The following SV2B variants were observed in gnomAD, a reference collection of about 807,000 sequenced individuals.
SV2B encodes the protein synaptic vesicle glycoprotein 2B, also known as solute carrier family 22 member B2.
A neutral mutation model predicts 73.9 loss-of-function variants in SV2B; 41 were observed. The observed-to-expected ratio is 0.56, with a 90% CI of 0.43 to 0.72. The LOEUF (loss-of-function observed/expected upper bound fraction) is 0.72, where lower values mean the gene tolerates loss of function less well. SV2B is among the 30% of genes least tolerant of loss of function. SV2B has a pLI of 0.00. For synonymous variants in SV2B, 314 were observed against 314.2 expected (o/e 1.00, Z 0.01); for missense variants, 764 against 857.8 (o/e 0.89, Z 1.37).
chr15:91,116,602 T>C (rs2042185419), intron 1 of SV2B, among the ~76,000 whole-genome samples: 1 of 152,320 alleles, frequency 6.6e-6, no homozygotes, highest in East Asian at 1.9e-4. Context: ...TCATGCATTC[T>C]GGAAGGGAAG....
chr15:91,277,826 TG>T (rs1164573445), intron 9 of SV2B, among the ~76,000 whole-genome samples: 2 of 152,254 alleles, frequency 1.3e-5, no homozygotes, highest in Non-Finnish European at 2.9e-5. Context: ...GCTAATTTAA[TG>T]TTTATATCCT....
intron 2 of SV2B, among the ~76,000 whole-genome samples, chr15:91,244,990 G>A (rs996487374): frequency 5.9e-5 from 9 of 152,206 alleles, no homozygotes; most frequent in African/African-American, 7.2e-5. Flanking sequence ...GCAAGAAAAA[G>A]GTTAGAAGTG....
chr15:91,172,931 T>C lies in SV2B; in HGVS notation c.-391-52942T>C, dbSNP rs969325578. On this transcript the variant is annotated intron_variant, in intron 1 of 12. Coordinates refer to ENST00000394232, the MANE Select transcript of SV2B (RefSeq NM_001323032.3). ...AGTAAGAGCCTGGCTTTCAGGGGCA[T>C]TTTTTTTTTCTGGTGGAAAAGTCCA... is the stretch of plus-strand genomic sequence containing the variant. Among the ~76,000 whole-genome samples the C allele has an allele frequency of 3.6e-5, 5 of 137,954 alleles. No homozygotes were observed. In the East Asian group the frequency reaches 9.8e-4, roughly 27 times the overall value. 90.5% of individuals were successfully genotyped at this position (137,954 alleles called of 152,430 possible).
intron 1 of SV2B, among the ~76,000 whole-genome samples, chr15:91,111,516 C>CG (rs1458791585): frequency 1.3e-5 from 2 of 151,988 alleles, no homozygotes; most frequent in East Asian, 3.9e-4. Flanking sequence ...GGAAAGAAGA[C>CG]GGGGGGCCAG....
intron 1 of SV2B, among the ~76,000 whole-genome samples, chr15:91,210,551 C>T (rs1175651636): frequency 1.3e-5 from 2 of 152,144 alleles, no homozygotes; most frequent in African/African-American, 4.8e-5. Context: ...AGACTTGCAT[C>T]TGGGGTGTGT....
intron 1 of SV2B, among the ~76,000 whole-genome samples, chr15:91,158,842 C>G (rs569250377): frequency 6.6e-6 from 1 of 151,104 alleles, no homozygotes; most frequent in African/African-American, 2.4e-5. Context: ...CACAATGTTA[C>G]CCCCAATCTC....
intron 1 of SV2B, among the ~76,000 whole-genome samples, chr15:91,159,898 AAAG>A (rs1836772341): frequency 6.6e-6 from 1 of 152,198 alleles, no homozygotes; most frequent in Non-Finnish European, 1.5e-5. Flanking sequence ...TGTCTGGAAA[AAAG>A]ATGAATACAC....
At chr15:91,101,360 C>A (rs11854586) in intron 1 of SV2B, among the ~76,000 whole-genome samples, 20,087 of 151,986 alleles carry the variant, frequency 0.13, 1,899 homozygotes, top group African/African-American at 0.26. Context: ...GTGACTTGTT[C>A]TGCTTGTTCC....
chr15:91,206,450 G>A (rs889810857), intron 1 of SV2B, among the ~76,000 whole-genome samples: 62 of 152,162 alleles, frequency 4.1e-4, no homozygotes, highest in African/African-American at 1.5e-3. Context: ...ATCCACATGG[G>A]GCTGCTCTTC....
intron 2 of SV2B, among the ~76,000 whole-genome samples, chr15:91,247,230 C>T (rs748829460): frequency 6.6e-6 from 1 of 152,180 alleles, no homozygotes; most frequent in Non-Finnish European, 1.5e-5. Context: ...CCAGCAGGTC[C>T]TCGGCCAGCA....
At chr15:91,199,709 G>C (rs900173385) in intron 1 of SV2B, among the ~76,000 whole-genome samples, 8 of 152,316 alleles carry the variant, frequency 5.3e-5, no homozygotes, top group Non-Finnish European at 8.8e-5. Flanking sequence ...GCCCAGGTGG[G>C]GTGGGGAAGC....
chr15:91,149,955 G>A (rs1394960202), intron 1 of SV2B, among the ~76,000 whole-genome samples: 6 of 152,218 alleles, frequency 3.9e-5, no homozygotes, highest in Admixed American at 2.0e-4. Flanking sequence ...AGTATGTAGC[G>A]CTGACCCTCT....
At position 91,115,358 on chromosome 15, in the gene SV2B, C is replaced by G. The variant is rs1291119193; in HGVS notation, c.-392+14995C>G. 6.6e-6 allele frequency among the ~76,000 whole-genome samples: 1 copy of G among 151,974 alleles called. No homozygotes were observed. Among genetic ancestry groups the G allele is most frequent in the Admixed American group, 6.6e-5 (1 of 15,258 alleles). ...GAGTGTTGACGACTTTGAAAGTGGG[C>G]TATTTCTCCATCTCCCCTTCCTTTT... is the stretch of plus-strand genomic sequence containing the variant. On this transcript the variant is annotated intron_variant, in intron 1 of 12. Transcript: ENST00000394232. The surrounding 1 kb of genome is among the most constrained non-coding windows in gnomAD (Gnocchi z 4.3).
At position 91,141,805 on chromosome 15, in the gene SV2B, C is replaced by T. The variant is rs1459341325; in HGVS notation, c.-392+41442C>T. The stretch of plus-strand genomic sequence containing the variant: ...CATCTTTTTCTGCTAATGGATATTA[C>T]AGAAAGTTACATTCAGAGAGTTAGA... On this transcript the variant is annotated intron_variant, in intron 1 of 12. Transcript: ENST00000394232. This position sits in a 1 kb window ranked among gnomAD's most constrained non-coding sequence, Gnocchi z 4.6. Among the ~76,000 whole-genome samples, 1 of 150,708 alleles carries T rather than the reference C, an allele frequency of 6.6e-6. No individual in the cohort carries two copies. Among genetic ancestry groups the T allele is most frequent in the African/African-American group, 2.4e-5 (1 of 40,960 alleles).
At chr15:91,292,149 T>C (rs1219853466) in intron 12 of SV2B, among the ~76,000 whole-genome samples, 7 of 152,128 alleles carry the variant, frequency 4.6e-5, no homozygotes, top group Admixed American at 2.6e-4. Flanking sequence ...AAAATGTTAA[T>C]AGAGGTGATT....
At chr15:91,222,529 C>T (rs1213543605) in intron 1 of SV2B, among the ~76,000 whole-genome samples, 2 of 152,068 alleles carry the variant, frequency 1.3e-5, no homozygotes, top group African/African-American at 4.8e-5. Context: ...CATCAAGATC[C>T]CAGGACATGT....
chr15:91,113,435 G>A (rs1412091152), intron 1 of SV2B, among the ~76,000 whole-genome samples: 1 of 152,168 alleles, frequency 6.6e-6, no homozygotes, highest in African/African-American at 2.4e-5. Flanking sequence ...CCACACAGAA[G>A]CTGAAATTTC....
In SV2B at chr15:91,294,336, G is replaced by C. The variant is rs959665417; in HGVS notation, c.*1784G>C. 3.3e-5 allele frequency: 5 copies of C among 152,062 alleles called. No homozygotes were observed. The highest frequency in any genetic ancestry group is 6.5e-5 in the Admixed American group (1 of 15,270). The allele number at this position is 152,062 out of a possible 1,614,324, so 9.4% of individuals were successfully genotyped here. ...CCGTCGATTTGAGATCAGTTTTAAT[G>C]GTTAAAATGTTTACTCTCCTTCTGT... On this transcript the variant is annotated 3_prime_UTR_variant, in exon 13 of 13. Coordinates refer to ENST00000394232, the MANE Select transcript of SV2B (RefSeq NM_001323032.3). The surrounding 1 kb of genome is among the most constrained non-coding windows in gnomAD (Gnocchi z 4.1).
At chr15:91,285,934 C>T (rs1287387181) in intron 11 of SV2B, among the ~76,000 whole-genome samples, 1 of 152,190 alleles carries the variant, frequency 6.6e-6, no homozygotes, top group Non-Finnish European at 1.5e-5. Context: ...GACATCCTTT[C>T]CCTCACCACT....
Sources: gnomAD v4.1 joint callset for allele counts (sites outside exome capture counted in the v4.1 genomes callset) on GRCh38, gnomAD v4.1.1 for gene constraint, Gnocchi (gnomAD v3.1) non-coding constraint, MANE v1.5 for transcripts, NCBI Gene and HGNC (gene_info 2026-07-23, HGNC 2026-07-21) for gene names.